Variants in RARG observed in about 807,000 individuals in gnomAD.
RARG encodes retinoic acid receptor gamma.
In RARG, 17 loss-of-function variants were observed where a neutral mutation model predicts 43.7. That is an observed-to-expected ratio of 0.39 (90% CI 0.27 to 0.58). RARG has a LOEUF of 0.58. Among genes scored for constraint, RARG ranks in the 20% least tolerant of loss-of-function variants. The pLI, the probability that RARG is intolerant of heterozygous loss-of-function variation, is 0.57. For synonymous variants in RARG, 238 were observed against 236.4 expected (o/e 1.01, Z -0.06); for missense variants, 346 against 598.7 (o/e 0.58, Z 4.40).
chr12:53,219,045 A>AGGGGTTCC, intron 3 of RARG, among the ~76,000 whole-genome samples: 1 of 152,270 alleles, frequency 6.6e-6, no homozygotes, highest in Admixed American at 6.5e-5. Flanking sequence ...TGCTCTGGAA[A>AGGGGTTCC]GGGGTTCCAG....
intron 2 of RARG, among the ~76,000 whole-genome samples, chr12:53,228,679 C>G (rs959024815): frequency 6.6e-6 from 1 of 152,164 alleles, no homozygotes; most frequent in Admixed American, 6.5e-5. Flanking sequence ...GACTTTACTT[C>G]TCTGCCTCCT....
At chr12:53,212,962 G>T in intron 9 of RARG, 123 bp downstream of exon 9, 1 of 1,215,628 alleles carries the variant, frequency 8.2e-7, no homozygotes, top group South Asian at 1.6e-5. Flanking sequence ...GGCAGAGCTA[G>T]GATTCCAGTG....
In RARG at chr12:53,227,017, C is replaced by G. The variant is rs974071068; in HGVS notation, c.184+345G>C. Among the ~76,000 whole-genome samples the G allele has an allele frequency of 2.0e-5, 3 of 152,180 alleles. No homozygotes were observed. Among genetic ancestry groups the G allele is most frequent in the Non-Finnish European group, 4.4e-5 (3 of 68,034 alleles). The stretch of plus-strand genomic sequence containing the variant: ...CCACTGCAAGCAAGCAGCAGATTCA[C>G]GCTGCACCAGACCCACCCCCAGCTG... On this transcript the variant is annotated intron_variant, in intron 3 of 9. Coordinates refer to ENST00000425354, the MANE Select transcript of RARG (RefSeq NM_000966.6). The surrounding 1 kb of genome is among the most constrained non-coding windows in gnomAD (Gnocchi z 4.3).
chr12:53,216,071 TCCTCCAAATTC>T (rs1942751748), intron 3 of RARG, among the ~76,000 whole-genome samples: 1 of 152,162 alleles, frequency 6.6e-6, no homozygotes, highest in East Asian at 1.9e-4. Flanking sequence ...ACATGTTTAA[TCCTCCAAATTC>T]CAGACCAAGG....
rs1330174673 is a variant in RARG, at chr12:53,227,552, T to C, written c.-7A>G. On this transcript the variant is annotated 5_prime_UTR_variant, in exon 3 of 10. Transcript: ENST00000425354. This position sits in a 1 kb window ranked among gnomAD's most constrained non-coding sequence, Gnocchi z 4.3. The stretch of plus-strand genomic sequence containing the variant: ...GCTCCTTATTGGTGGCCATGGCAGC[T>C]GCGGTGTGAGAGTCCCCTGGGGTCT... The C allele has an allele frequency of 1.3e-6, 2 of 1,562,420 alleles. No homozygotes were observed. Among genetic ancestry groups the C allele is most frequent in the African/African-American group, 1.4e-5 (1 of 73,214 alleles).
At position 53,220,429 on chromosome 12, in the gene RARG, C is replaced by T. The variant is rs1942924965; in HGVS notation, c.185-4635G>A. 6 of 716,112 alleles carry T rather than the reference C, an allele frequency of 8.4e-6. No homozygotes were observed. The South Asian group carries it at 1.2e-4, about 14-fold the overall frequency. The allele number at this position is 716,112 out of a possible 1,614,324, so 44.4% of individuals were successfully genotyped here. A position where few individuals can be genotyped will look rare whatever the true frequency, so the allele number is the denominator to read the frequency against. On this transcript the variant is annotated intron_variant, in intron 3 of 9. Coordinates refer to ENST00000425354, the MANE Select transcript of RARG (RefSeq NM_000966.6). ...GTGGGGCTTGGAGAGCGAAGGGGGC[C>T]GGGCACCGAGATGAGCAAAGCTGAG...
intron 2 of RARG, among the ~76,000 whole-genome samples, chr12:53,230,413 C>T (rs966035195): frequency 1.3e-5 from 2 of 152,016 alleles, no homozygotes; most frequent in Non-Finnish European, 2.9e-5. Flanking sequence ...ACTCTCCACC[C>T]GCTGCCCCCC....
In RARG at chr12:53,227,681, A is replaced by G. The variant is rs1033338966; in HGVS notation, c.-136T>C. On this transcript the variant is annotated 5_prime_UTR_variant, in exon 3 of 10. Coordinates refer to ENST00000425354, the MANE Select transcript of RARG (RefSeq NM_000966.6). The surrounding 1 kb of genome is among the most constrained non-coding windows in gnomAD (Gnocchi z 4.3). ...TGCCTGGCCTGCCCACTGGGCCTCC[A>G]AAAGTCCTAGGGAGAAAGAGAGAGA... is the stretch of plus-strand genomic sequence containing the variant. 8 of 1,308,900 alleles carry G rather than the reference A, an allele frequency of 6.1e-6. No individual in the cohort carries two copies. Among genetic ancestry groups the G allele is most frequent in the Middle Eastern group, 2.8e-4 (1 of 3,560 alleles). The allele number at this position is 1,308,900 out of a possible 1,614,324, so 81.1% of individuals were successfully genotyped here. A position where few individuals can be genotyped will look rare whatever the true frequency, so the allele number is the denominator to read the frequency against.
Position 53,214,490 on chromosome 12 carries a change from G to C in RARG, c.592C>G (p.Gln198Glu). 6.2e-7 allele frequency: 1 copy of C among 1,613,904 alleles called. No homozygotes were observed. Among genetic ancestry groups the C allele is most frequent in the Non-Finnish European group, 8.5e-7 (1 of 1,179,790 alleles). The change falls in exon 6 of 10, where the codon CAG becomes GAG. Residue 198 changes from glutamine (Q) to glutamate (E), a missense_variant. Transcript: ENST00000425354. ...TGGCAGAGCGAGGGGAAAGTCTCCT[G>C]ATGGGCTTTGCTGACCTTGGTGATG... The part of the protein sequence containing the change: ...ELITKVSKAH[Q>E]ETFPSLCQLG...
intron 3 of RARG, among the ~76,000 whole-genome samples, chr12:53,218,188 C>G (rs1942831641): frequency 6.6e-6 from 1 of 152,144 alleles, no homozygotes; most frequent in South Asian, 2.1e-4. Flanking sequence ...CCAAAGCCTC[C>G]AAACAGGCAC....
Position 53,216,821 on chromosome 12 carries a change from AGT to A in RARG, c.185-1029_185-1028del, listed in dbSNP as rs35354918. ...GCTCTGTTCAAAAGGCTGCTGGGTA[AGT>A]GTGTGTGTGTGTGTGTGTGCGCGCG... On this transcript the variant is annotated intron_variant, in intron 3 of 9. Coordinates refer to ENST00000425354, the MANE Select transcript of RARG (RefSeq NM_000966.6). 7.6e-4 allele frequency among the ~76,000 whole-genome samples: 110 copies of A among 144,220 alleles called. 2 individuals carry two copies. Among genetic ancestry groups the A allele is most frequent in the South Asian group, 2.6e-3 (11 of 4,294 alleles). The allele number at this position is 144,220 out of a possible 152,430, so 94.6% of individuals were successfully genotyped here.
intron 3 of RARG, among the ~76,000 whole-genome samples, chr12:53,223,477 G>T (rs1249491508): frequency 6.6e-6 from 1 of 151,396 alleles, no homozygotes; most frequent in Admixed American, 6.6e-5. Context: ...CAGGAGAGGG[G>T]GGTGCAGCCT....
chr12:53,212,737 TACACACACACACACAC>T lies in RARG; in HGVS notation c.1177+332_1177+347del, dbSNP rs1160084920. ...AAGACTTTGTCTCTAAATATATATATACACACACACACACACACACACACACACACACACACACACA... is the reference window on the plus strand; with the variant it reads ...AAGACTTTGTCTCTAAATATATATATACACACACACACACACACACACACA... On this transcript the variant is annotated intron_variant, in intron 9 of 9. Transcript: ENST00000425354. 1.9e-4 allele frequency among the ~76,000 whole-genome samples: 25 copies of T among 133,766 alleles called. No individual in the cohort carries two copies. The East Asian group carries it at 2.1e-3, about 11-fold the overall frequency. 87.8% of individuals were successfully genotyped at this position (133,766 alleles called of 152,430 possible).
intron 3 of RARG, among the ~76,000 whole-genome samples, chr12:53,219,646 A>T (rs1942891642): frequency 6.6e-6 from 1 of 152,188 alleles, no homozygotes; most frequent in Admixed American, 6.5e-5. Flanking sequence ...ATATCCTTCC[A>T]GGGCCACGGA....
Position 53,227,376 on chromosome 12 carries a change from T to C in RARG, c.170A>G (p.Glu57Gly). Residue 57 changes from glutamate to glycine, a missense_variant, in exon 3 of 10, where the codon GAG becomes GGG. Coordinates refer to ENST00000425354, the MANE Select transcript of RARG (RefSeq NM_000966.6). The surrounding 1 kb of genome is among the most constrained non-coding windows in gnomAD (Gnocchi z 4.3). ...CTGAGACTCACACAGAGAGGCCATC[T>C]CCTTGGGGAGGTCAGGCTGGCCCAG... ...RGLGQPDLPK[E>G]MASLSVETQS... is the part of the protein sequence containing the mutation. 2.5e-6 allele frequency: 4 copies of C among 1,576,972 alleles called. No individual in the cohort carries two copies. The highest frequency in any genetic ancestry group is 3.4e-6 in the Non-Finnish European group (4 of 1,163,480).
intron 3 of RARG, among the ~76,000 whole-genome samples, chr12:53,222,513 C>T (rs1206002773): frequency 1.3e-5 from 2 of 152,138 alleles, no homozygotes; most frequent in Non-Finnish European, 2.9e-5. Context: ...GTAATTAGAA[C>T]CAGAAGTGGC....
Position 53,213,861 on chromosome 12 carries a change from G to A in RARG, c.814-161C>T, listed in dbSNP as rs540934050. ...TCTGAGGCTTGGCAGGGGTAGTCCC[G>A]GGAAGTCAGGAGGAGACAGGGCATC... On this transcript the variant is annotated intron_variant, in intron 7 of 9. Coordinates refer to ENST00000425354, the MANE Select transcript of RARG (RefSeq NM_000966.6). This position sits in a 1 kb window ranked among gnomAD's most constrained non-coding sequence, Gnocchi z 4.7. 2.5e-5 allele frequency: 27 copies of A among 1,077,512 alleles called. No individual in the cohort carries two copies. The highest frequency in any genetic ancestry group is 1.2e-4 in the South Asian group (8 of 67,156). 66.7% of individuals were successfully genotyped at this position (1,077,512 alleles called of 1,614,324 possible). A position where few individuals can be genotyped will look rare whatever the true frequency, so the allele number is the denominator to read the frequency against.
intron 2 of RARG, chr12:53,230,045 C>T: frequency 1.1e-6 from 1 of 901,224 alleles, no homozygotes; most frequent in Non-Finnish European, 1.3e-6. Flanking sequence ...AGCCTTGGTT[C>T]TGTCGTGGCT....
chr12:53,211,839 T>G lies in RARG; in HGVS notation c.1202A>C (p.Lys401Thr), dbSNP rs759902989. ...TKGAERAITL[K>T]MEIPGPMPPL... is the part of the protein sequence containing the mutation. ...AGGCATCGGGCCTGGAATCTCCATC[T>G]TCAGAGTAATGGCCCTTTCAGCTCC... The change falls in exon 10 of 10, where the codon AAG becomes ACG. Residue 401 changes from lysine (K) to threonine (T), a missense_variant. Around this residue, in one of 8 missense-constraint regions of RARG, gnomAD observed 20 missense variants for 58.5 expected, o/e 0.34. Coordinates refer to ENST00000425354, the MANE Select transcript of RARG (RefSeq NM_000966.6). The surrounding 1 kb of genome is among the most constrained non-coding windows in gnomAD (Gnocchi z 4.6). 1.3e-6 allele frequency: 2 copies of G among 1,501,028 alleles called. No individual in the cohort carries two copies. The highest frequency in any genetic ancestry group is 1.8e-6 in the Non-Finnish European group (2 of 1,120,858). 93.0% of individuals were successfully genotyped at this position (1,501,028 alleles called of 1,614,324 possible).
Sources: allele counts gnomAD v4.1 joint callset (sites outside exome capture counted in the v4.1 genomes callset), GRCh38; gene constraint gnomAD v4.1.1; regional missense constraint gnomAD v4.1.1; non-coding constraint Gnocchi (gnomAD v3.1); transcripts MANE v1.5; gene names NCBI Gene and HGNC (gene_info 2026-07-23, HGNC 2026-07-21).